The following RDX variants were observed in gnomAD, a reference collection of about 807,000 sequenced individuals.
The protein encoded by RDX is radixin.
In RDX, 32 loss-of-function variants were observed where a neutral mutation model predicts 83.7. The ratio of observed to expected loss-of-function variants is 0.38; its 90% confidence interval spans 0.29 to 0.51. The LOEUF (loss-of-function observed/expected upper bound fraction) is 0.51. RDX is among the 20% of genes least tolerant of loss of function. The pLI, the probability that RDX is intolerant of heterozygous loss-of-function variation, is 0.87. For missense variants in RDX, 600 were observed against 689.9 expected (o/e 0.87, Z 1.46); for synonymous variants, 229 against 222.7 (o/e 1.03, Z -0.25).
intron 14 of RDX, among the ~76,000 whole-genome samples, chr11:110,204,547 A>T (rs1591509373): frequency 9.7e-6 from 1 of 102,942 alleles, no homozygotes; most frequent in African/African-American, 4.0e-5. Flanking sequence ...ACAGAGTTTC[A>T]CTCTTCTTGC....
intron 5 of RDX, 76 bp downstream of exon 5, chr11:110,263,883 AC>A: frequency 7.1e-7 from 1 of 1,399,540 alleles, no homozygotes. Context: ...AAAAAAAAAA[AC>A]CTGAAAAACG....
chr11:110,257,257 A>G (rs535045024), intron 7 of RDX, among the ~76,000 whole-genome samples: 1 of 151,928 alleles, frequency 6.6e-6, no homozygotes, highest in Non-Finnish European at 1.5e-5. Flanking sequence ...ACAGTGTTCA[A>G]TATGTGTAAT....
chr11:110,253,804 A>C, intron 9 of RDX, 142 bp downstream of exon 9: 1 of 731,860 alleles, frequency 1.4e-6, no homozygotes, highest in East Asian at 2.7e-5. Context: ...TAAAGGACAG[A>C]GTGATAATAC....
chr11:110,216,825 A>C (rs1473958602), intron 14 of RDX, among the ~76,000 whole-genome samples: 2 of 152,194 alleles, frequency 1.3e-5, no homozygotes, highest in Non-Finnish European at 2.9e-5. Flanking sequence ...AATAGCTGAC[A>C]TGTATAATCT....
chr11:110,264,114 G>T lies in RDX; in HGVS notation c.313C>A (p.Gln105Lys), dbSNP rs758609386. ...TCATTTAAGATGGCTTCTTTAACTT[G>T]CAAGAAGAAGAGTCTCTGGGTTATT... The part of the protein sequence containing the change: ...QEITQRLFFL[Q>K]VKEAILNDEI... Residue 105 changes from glutamine to lysine, a missense_variant, in exon 5 of 14, where the codon CAA (glutamine) becomes AAA (lysine). Gln to Lys is a moderately conservative substitution (Grantham distance 53, BLOSUM62 1). Coordinates refer to ENST00000645495, the MANE Select transcript of RDX (RefSeq NM_002906.4). The T allele has an allele frequency of 1.2e-6, 2 of 1,613,658 alleles. No homozygotes were observed. The highest frequency in any genetic ancestry group is 2.2e-5 in the South Asian group (2 of 91,078).
At chr11:110,246,826 C>T (rs1323666406) in intron 10 of RDX, among the ~76,000 whole-genome samples, 2 of 151,318 alleles carry the variant, frequency 1.3e-5, no homozygotes, top group African/African-American at 4.9e-5. Flanking sequence ...ATCCCAAAAT[C>T]GGAATATTTC....
chr11:110,178,478 G>A (rs893019609), intron 15 of RDX, among the ~76,000 whole-genome samples: 4 of 152,210 alleles, frequency 2.6e-5, no homozygotes, highest in Non-Finnish European at 4.4e-5. Context: ...TATTACATCA[G>A]TTGGCTTCTG....
rs139941824 is a variant in RDX, at chr11:110,242,227, C to T, written c.1091-4575G>A. 1.4e-3 allele frequency among the ~76,000 whole-genome samples: 209 copies of T among 152,044 alleles called. 2 individuals are homozygous for T. The East Asian group carries it at 0.033, about 24-fold the overall frequency. On this transcript the variant is annotated intron_variant, in intron 10 of 13. Transcript: ENST00000645495. ...CAGCACTTTGGGAAGCCTAGGCGGG[C>T]GGATCACATGAGGTCAGGAGTTTGA...
At chr11:110,175,532 A>G (rs1862756928) in intron 15 of RDX, among the ~76,000 whole-genome samples, 2 of 152,352 alleles carry the variant, frequency 1.3e-5, no homozygotes, top group South Asian at 4.1e-4. Context: ...TGGCAAGTAC[A>G]ATGTTTAAAT....
chr11:110,206,491 T>C (rs553426109), intron 14 of RDX, among the ~76,000 whole-genome samples: 167 of 152,228 alleles, frequency 1.1e-3, no homozygotes, highest in Non-Finnish European at 1.9e-3. Flanking sequence ...AGACATTATA[T>C]TGTTGTAGAT....
At chr11:110,237,682 T>C in intron 10 of RDX, 30 bp from the exon 11 acceptor site, 1 of 1,607,784 alleles carries the variant, frequency 6.2e-7, no homozygotes, top group South Asian at 1.1e-5. Context: ...CCCCCAACAG[T>C]GATTAATTCC....
At chr11:110,244,267 C>T (rs1190758620) in intron 10 of RDX, among the ~76,000 whole-genome samples, 2 of 142,542 alleles carry the variant, frequency 1.4e-5, no homozygotes, top group African/African-American at 5.2e-5. Flanking sequence ...GAGGCTGAGA[C>T]AGAAGAATTG....
At chr11:110,257,194 A>T (rs2134362422) in intron 7 of RDX, among the ~76,000 whole-genome samples, 1 of 151,422 alleles carries the variant, frequency 6.6e-6, no homozygotes, top group South Asian at 2.1e-4. Flanking sequence ...TAAAATATTG[A>T]TGAATTATAT....
chr11:110,264,691 G>A (rs1859949649), intron 4 of RDX, 88 bp downstream of exon 4: 2 of 895,628 alleles, frequency 2.2e-6, no homozygotes, highest in Admixed American at 2.2e-5. Flanking sequence ...AAGGAAGCTT[G>A]CAATCAGTCA....
intron 15 of RDX, among the ~76,000 whole-genome samples, chr11:110,182,601 A>AAACAAC (rs140588360): frequency 6.6e-6 from 1 of 152,012 alleles, no homozygotes; most frequent in African/African-American, 2.4e-5. Flanking sequence ...CCCCTGTCTC[A>AAACAAC]AACAACAACA....
intron 14 of RDX, among the ~76,000 whole-genome samples, chr11:110,217,820 G>T (rs766462606): frequency 4.0e-5 from 6 of 151,892 alleles, no homozygotes; most frequent in Non-Finnish European, 8.8e-5. Context: ...GTCACTGTTA[G>T]CAAGAGGTTG....
In RDX at chr11:110,264,786, T is replaced by C; in HGVS notation, c.185A>G (p.Asn62Ser). The C allele has an allele frequency of 6.2e-7, 1 of 1,606,618 alleles. No individual in the cohort carries two copies. Among genetic ancestry groups the C allele is most frequent in the South Asian group, 1.1e-5 (1 of 90,854 alleles). Residue 62 changes from asparagine to serine, a missense_variant, in exon 4 of 14, where the codon AAT (asparagine) becomes AGT (serine). Asn to Ser is a conservative substitution (Grantham distance 46, BLOSUM62 1). Coordinates refer to ENST00000645495, the MANE Select transcript of RDX (RefSeq NM_002906.4). ...SKGYSTWLKL[N>S]KKVTQQDVKK... ...TTATCGTACATATTTTACCTTTTTA[T>C]TTAGTTTAAGCCATGTAGAATAACC...
intron 9 of RDX, among the ~76,000 whole-genome samples, chr11:110,252,716 T>C (rs185795039): frequency 6.6e-6 from 1 of 152,348 alleles, no homozygotes; most frequent in East Asian, 1.9e-4. Context: ...AATGTAATGC[T>C]ACAGCACATG....
intron 14 of RDX, chr11:110,199,703 T>A: frequency 1.4e-6 from 1 of 702,944 alleles, no homozygotes; most frequent in Non-Finnish European, 2.6e-6. Context: ...ATTAAGAGAT[T>A]AGAAAGCATT....
Sources: gnomAD v4.1 joint callset for allele counts (sites outside exome capture counted in the v4.1 genomes callset) on GRCh38, gnomAD v4.1.1 for gene constraint, MANE v1.5 for transcripts, NCBI Gene and HGNC (gene_info 2026-07-23, HGNC 2026-07-21) for gene names.